The following LRRC31 variants were observed in gnomAD, a reference collection of about 807,000 sequenced individuals.
The protein encoded by LRRC31 is leucine-rich repeat-containing protein 31.
LRRC31 carries 35 observed loss-of-function variants against 46.7 expected under a neutral mutation model. The ratio of observed to expected loss-of-function variants is 0.75; its 90% CI spans 0.57 to 0.99. LRRC31 has a LOEUF of 0.99. Ranked by LOEUF, LRRC31 falls within the 50% of genes least tolerant of loss-of-function variation. The pLI is 0.00. For synonymous variants in LRRC31, 236 were observed against 235.1 expected (o/e 1.00, Z -0.03); for missense variants, 613 against 626.1 (o/e 0.98, Z 0.22).
intron 1 of LRRC31, among the ~76,000 whole-genome samples, chr3:169,868,841 AT>A: frequency 6.6e-6 from 1 of 152,262 alleles, no homozygotes; most frequent in East Asian, 1.9e-4. Context: ...AGTTTAACCC[AT>A]AAGATCACTT....
intron 6 of LRRC31, among the ~76,000 whole-genome samples, chr3:169,852,572 C>T (rs753230367): frequency 6.6e-6 from 1 of 152,170 alleles, no homozygotes; most frequent in Non-Finnish European, 1.5e-5. Flanking sequence ...AATGTAAGTA[C>T]CAGTAAGGCA....
chr3:169,844,295 C>T (rs12492658), intron 8 of LRRC31, among the ~76,000 whole-genome samples: 44,048 of 151,886 alleles, frequency 0.29, 6,832 homozygotes, highest in East Asian at 0.62. Flanking sequence ...AAAAAATCAG[C>T]TAATATTATT....
At chr3:169,843,100 A>G (rs1780501141) in intron 8 of LRRC31, among the ~76,000 whole-genome samples, 1 of 152,196 alleles carries the variant, frequency 6.6e-6, no homozygotes, top group Admixed American at 6.5e-5. Flanking sequence ...TATGGAGTCA[A>G]CCTAATCACA....
At position 169,839,835 on chromosome 3, in the gene LRRC31, AATATAT is replaced by A. The variant is rs140604956; in HGVS notation, c.*141_*146del. The A allele has an allele frequency of 4.5e-5, 11 of 245,286 alleles. No homozygotes were observed. The highest frequency in any genetic ancestry group is 8.3e-5 in the Non-Finnish European group (11 of 132,420). The allele number at this position is 245,286 out of a possible 1,614,324, so 15.2% of individuals were successfully genotyped here. ...ATATGTATATTACATATATATATGT[AATATAT>A]ATATATATTTACAAAGCTCTTGTAA... On this transcript the variant is annotated 3_prime_UTR_variant, in exon 9 of 9. Transcript: ENST00000316428.
At chr3:169,859,735 G>C (rs537494263) in intron 3 of LRRC31, among the ~76,000 whole-genome samples, 3 of 152,266 alleles carry the variant, frequency 2.0e-5, no homozygotes, top group Admixed American at 6.5e-5. Flanking sequence ...AAATAGAAGA[G>C]AGAAGTATTC....
At chr3:169,846,503 A>G (rs573705825) in intron 8 of LRRC31, among the ~76,000 whole-genome samples, 25 of 152,288 alleles carry the variant, frequency 1.6e-4, no homozygotes, top group Admixed American at 1.2e-3. Flanking sequence ...TACAAAAATT[A>G]GCCAGGCGTG....
rs142106852 is a variant in LRRC31 at position 169,841,183 on chromosome 3, G to A, written c.1328-870C>T. The stretch of plus-strand genomic sequence containing the variant: ...CCAGCATTATGGAGCAGCTCCTAGC[G>A]GGAGGAAGCCCTCCCACAGGGCCCC... On this transcript the variant is annotated intron_variant, in intron 8 of 8. Coordinates refer to ENST00000316428, the MANE Select transcript of LRRC31 (RefSeq NM_024727.4). Among the ~76,000 whole-genome samples, 322 of 152,282 alleles carry A rather than the reference G, an allele frequency of 2.1e-3. 1 individual carries two copies. Among genetic ancestry groups the A allele is most frequent in the Middle Eastern group, 3.4e-3 (1 of 294 alleles).
At chr3:169,845,175 A>G (rs1780567670) in intron 8 of LRRC31, among the ~76,000 whole-genome samples, 1 of 152,174 alleles carries the variant, frequency 6.6e-6, no homozygotes, top group African/African-American at 2.4e-5. Flanking sequence ...AATTTAACAA[A>G]ATATAAAAAC....
At chr3:169,865,383 G>T (rs980425378) in intron 1 of LRRC31, among the ~76,000 whole-genome samples, 1 of 152,190 alleles carries the variant, frequency 6.6e-6, no homozygotes, top group African/African-American at 2.4e-5. Flanking sequence ...CCCATGGGGG[G>T]CGCATTAGTA....
intron 1 of LRRC31, among the ~76,000 whole-genome samples, chr3:169,866,957 G>C (rs1360672516): frequency 6.7e-6 from 1 of 150,140 alleles, no homozygotes; most frequent in Non-Finnish European, 1.5e-5. Context: ...GCGAAACTCT[G>C]TCTCAAAAAG....
Position 169,856,472 on chromosome 3 carries a change from T to C in LRRC31, c.687A>G (p.Glu229=), listed in dbSNP as rs1780945582. The C allele has an allele frequency of 6.2e-7, 1 of 1,602,454 alleles. No individual in the cohort carries two copies. The highest frequency in any genetic ancestry group is 8.5e-7 in the Non-Finnish European group (1 of 1,175,078). ...CTCTGTTAATGGAAAGATCAAGTAC[T>C]TCGAGACTTTGCAGCATAGGTAGCA... ...GQLLPMLQSL[E]VLDLSINRDI... is the part of the protein sequence containing the mutation. The change falls in exon 5 of 9, where the codon GAA becomes GAG. Residue 229 remains glutamate (E), a synonymous_variant. Transcript: ENST00000316428.
chr3:169,859,406 C>T (rs1248577313), intron 3 of LRRC31, among the ~76,000 whole-genome samples: 7 of 152,170 alleles, frequency 4.6e-5, no homozygotes, highest in East Asian at 1.9e-4. Context: ...GGCCGGGGGA[C>T]GTCAGCTGCC....
At position 169,840,114 on chromosome 3, in the gene LRRC31, C is replaced by G; in HGVS notation, c.1527G>C (p.Val509=). ...GQWFRHLLYA[V]TKLPQITEIG... Reference sequence around the variant, plus strand: ...TCTCAGTGATCTGAGGAAGCTTGGTCACAGCATATAACAAGTGTCTAAACC... The same window carrying G: ...TCTCAGTGATCTGAGGAAGCTTGGTGACAGCATATAACAAGTGTCTAAACC... Residue 509 remains valine (V), a synonymous_variant, in exon 9 of 9, where the codon GTG becomes GTC. Transcript: ENST00000316428. 1 of 1,614,080 alleles carries G rather than the reference C, an allele frequency of 6.2e-7. No individual in the cohort carries two copies. The highest frequency in any genetic ancestry group is 8.5e-7 in the Non-Finnish European group (1 of 1,180,016).
At chr3:169,851,990 G>T (rs1780790497) in intron 6 of LRRC31, among the ~76,000 whole-genome samples, 1 of 150,530 alleles carries the variant, frequency 6.6e-6, no homozygotes, top group African/African-American at 2.4e-5. Flanking sequence ...CAGGCTAGAA[G>T]AGCAAAGGCT....
intron 3 of LRRC31, among the ~76,000 whole-genome samples, chr3:169,857,681 C>T (rs568625802): frequency 4.0e-5 from 6 of 151,848 alleles, no homozygotes; most frequent in African/African-American, 1.4e-4. Context: ...CACTGCCTTG[C>T]GGGTAGACAC....
At chr3:169,860,418 G>A in intron 3 of LRRC31, 143 bp downstream of exon 3, 1 of 813,958 alleles carries the variant, frequency 1.2e-6, no homozygotes, top group East Asian at 2.6e-5. Flanking sequence ...AGTAGAGACA[G>A]GGTTTCACCA....
chr3:169,848,581 C>T (rs1367619038), intron 7 of LRRC31, among the ~76,000 whole-genome samples: 2 of 152,114 alleles, frequency 1.3e-5, no homozygotes, highest in East Asian at 1.9e-4. Context: ...CTCAGCCTCT[C>T]GAGCAGCTGG....
intron 3 of LRRC31, among the ~76,000 whole-genome samples, chr3:169,860,215 T>TC (rs1174395317): frequency 3.3e-5 from 5 of 151,864 alleles, no homozygotes; most frequent in African/African-American, 4.8e-5. Context: ...CCTTGTTCTT[T>TC]TTTTTCTTTT....
intron 8 of LRRC31, among the ~76,000 whole-genome samples, chr3:169,845,882 C>T (rs1780589571): frequency 6.6e-6 from 1 of 151,638 alleles, no homozygotes; most frequent in East Asian, 1.9e-4. Context: ...CTTTGATCTG[C>T]AAAAAAACAC....
Sources: allele counts gnomAD v4.1 joint callset (sites outside exome capture counted in the v4.1 genomes callset), GRCh38; gene constraint gnomAD v4.1.1; transcripts MANE v1.5; gene names NCBI Gene and HGNC (gene_info 2026-07-23, HGNC 2026-07-21).